The following CDH8 variants were observed in gnomAD, a reference collection of about 807,000 sequenced individuals.
CDH8 encodes the protein cadherin 8, also known as cadherin-8.
Under a neutral mutation model 68.1 loss-of-function variants are expected in CDH8, and 17 were observed. The ratio of observed to expected loss-of-function variants is 0.25; its 90% CI spans 0.17 to 0.37. The LOEUF is 0.37. Ranked by LOEUF, CDH8 falls within the 10% of genes least tolerant of loss-of-function variation. CDH8 has a pLI of 1.00. For missense variants in CDH8, 763 were observed against 999.3 expected, an observed-to-expected ratio of 0.76 and a Z score of 3.19; for synonymous variants, 372 against 365.1, an observed-to-expected ratio of 1.02 and a Z score of -0.21.
chr16:61,742,622 A>G (rs554751190), intron 8 of CDH8, among the ~76,000 whole-genome samples: 1 of 152,238 alleles, frequency 6.6e-6, no homozygotes, highest in South Asian at 2.1e-4. Flanking sequence ...TTCTCTCAAT[A>G]TTTTAATTTG....
intron 8 of CDH8, 50 bp downstream of exon 8, chr16:61,789,295 TA>T: frequency 1.3e-6 from 2 of 1,546,778 alleles, no homozygotes; most frequent in Non-Finnish European, 1.8e-6. Flanking sequence ...TTAATAAGCA[TA>T]AATTGAACTC....
intron 3 of CDH8, among the ~76,000 whole-genome samples, chr16:61,867,043 G>A (rs1008927818): frequency 6.6e-6 from 1 of 152,064 alleles, no homozygotes; most frequent in Admixed American, 6.6e-5. Context: ...CAATGTGAGA[G>A]ACAAAATCCT....
rs1043099134 is a variant in CDH8, at chr16:61,651,407, A to G, written c.*2201T>C. 1.3e-4 allele frequency: 20 copies of G among 152,282 alleles called. No homozygotes were observed. The highest frequency in any genetic ancestry group is 2.8e-4 in the Non-Finnish European group (19 of 68,024). The allele number at this position is 152,282 out of a possible 1,614,324, so 9.4% of individuals were successfully genotyped here. ...TATTCTCAGCAACAGAAACTCAATA[A>G]AAAGTTGATTAAGCCACCGGATAGT... is the stretch of plus-strand genomic sequence containing the variant. On this transcript the variant is annotated 3_prime_UTR_variant, in exon 12 of 12. Transcript: ENST00000577390.
At chr16:61,991,831 C>T (rs1965726480) in intron 2 of CDH8, among the ~76,000 whole-genome samples, 1 of 152,140 alleles carries the variant, frequency 6.6e-6, no homozygotes, top group African/African-American at 2.4e-5. Context: ...TGCCACCACT[C>T]CCCAACCCAC....
At chr16:61,818,743 C>T (rs998356322) in intron 6 of CDH8, among the ~76,000 whole-genome samples, 6 of 152,140 alleles carry the variant, frequency 3.9e-5, no homozygotes, top group Non-Finnish European at 8.8e-5. Flanking sequence ...AGACAGTATA[C>T]ATCTGCATTA....
intron 8 of CDH8, among the ~76,000 whole-genome samples, chr16:61,728,939 A>C (rs142625780): frequency 0.023 from 3,517 of 151,322 alleles, 66 homozygotes; most frequent in Non-Finnish European, 0.035. Flanking sequence ...CATGTGAGAA[A>C]AATTAAAAGT....
At chr16:61,792,073 AAGT>A (rs1372744654) in intron 7 of CDH8, among the ~76,000 whole-genome samples, 1 of 151,990 alleles carries the variant, frequency 6.6e-6, no homozygotes, top group Non-Finnish European at 1.5e-5. Context: ...CCTATTTAGA[AAGT>A]AGTGAAGAAT....
chr16:62,021,085 G>T (rs1358849726), intron 2 of CDH8, 67 bp downstream of exon 2: 3 of 1,344,302 alleles, frequency 2.2e-6, no homozygotes, highest in Admixed American at 1.9e-5. Flanking sequence ...ATTAAAAAGA[G>T]TCTGGTATTA....
intron 2 of CDH8, among the ~76,000 whole-genome samples, chr16:61,938,382 TTAA>T (rs1257851124): frequency 1.3e-5 from 2 of 152,178 alleles, no homozygotes; most frequent in African/African-American, 2.4e-5. Flanking sequence ...CATTTAGATA[TTAA>T]TGAGAAGCCC....
intron 8 of CDH8, among the ~76,000 whole-genome samples, chr16:61,740,154 C>T (rs1438894989): frequency 6.6e-6 from 1 of 151,816 alleles, no homozygotes; most frequent in East Asian, 1.9e-4. Flanking sequence ...GGTCTGCCCG[C>T]CTTGGCCTCC....
At chr16:61,904,054 A>G (rs1159030459) in intron 2 of CDH8, among the ~76,000 whole-genome samples, 3 of 152,150 alleles carry the variant, frequency 2.0e-5, no homozygotes, top group Non-Finnish European at 4.4e-5. Flanking sequence ...TGATAATCTC[A>G]GAACACAATA....
intron 10 of CDH8, among the ~76,000 whole-genome samples, chr16:61,659,925 G>A (rs1046493064): frequency 2.0e-5 from 3 of 152,104 alleles, no homozygotes; most frequent in East Asian, 3.9e-4. Context: ...AGGTTCCAAG[G>A]CAGCCTTACA....
Position 61,650,254 on chromosome 16 carries a change from T to C in CDH8, c.*3354A>G, listed in dbSNP as rs1464194569. 3 of 152,100 alleles carry C rather than the reference T, an allele frequency of 2.0e-5. No individual in the cohort carries two copies. The highest frequency in any genetic ancestry group is 2.9e-5 in the Non-Finnish European group (2 of 68,006). 9.4% of individuals were successfully genotyped at this position (152,100 alleles called of 1,614,324 possible). On this transcript the variant is annotated 3_prime_UTR_variant, in exon 12 of 12. Transcript: ENST00000577390. ...ATATATGGATGTTTAAGAGACACTTTGCTAATATGATTTGATCAAATCATA... is the reference window on the plus strand; with the variant it reads ...ATATATGGATGTTTAAGAGACACTTCGCTAATATGATTTGATCAAATCATA...
At chr16:61,880,534 C>G (rs1963555562) in intron 3 of CDH8, among the ~76,000 whole-genome samples, 2 of 152,116 alleles carry the variant, frequency 1.3e-5, no homozygotes, top group Non-Finnish European at 2.9e-5. Flanking sequence ...GGAGAGTGGA[C>G]AGAGGTCCAA....
intron 7 of CDH8, 28 bp downstream of exon 7, chr16:61,817,451 G>A (rs747114374): frequency 5.6e-6 from 9 of 1,610,620 alleles, no homozygotes; most frequent in Admixed American, 3.3e-5. Flanking sequence ...ATTTGCAGTA[G>A]CCAGTATTCC....
At chr16:61,657,523 T>C (rs1398183258) in intron 10 of CDH8, among the ~76,000 whole-genome samples, 1 of 152,100 alleles carries the variant, frequency 6.6e-6, no homozygotes, top group Non-Finnish European at 1.5e-5. Flanking sequence ...TAATCTTTAT[T>C]GTCATGACCT....
At chr16:61,803,366 C>G (rs1488690653) in intron 7 of CDH8, among the ~76,000 whole-genome samples, 1 of 133,540 alleles carries the variant, frequency 7.5e-6, no homozygotes, top group Non-Finnish European at 1.6e-5. Flanking sequence ...AAAATCATGC[C>G]AAAATGTAAA....
chr16:61,959,469 G>A (rs1339322385), intron 2 of CDH8, among the ~76,000 whole-genome samples: 1 of 150,886 alleles, frequency 6.6e-6, no homozygotes, highest in African/African-American at 2.5e-5. Flanking sequence ...TGGGGTAACA[G>A]ACACCTGTGG....
intron 10 of CDH8, among the ~76,000 whole-genome samples, chr16:61,702,920 A>G (rs1964460690): frequency 6.6e-6 from 1 of 152,198 alleles, no homozygotes; most frequent in African/African-American, 2.4e-5. Flanking sequence ...CTGAATATTT[A>G]TATAGAAAGA....
Sources: gnomAD v4.1 joint callset for allele counts (sites outside exome capture counted in the v4.1 genomes callset) on GRCh38, gnomAD v4.1.1 for gene constraint, MANE v1.5 for transcripts, NCBI Gene and HGNC (gene_info 2026-07-23, HGNC 2026-07-21) for gene names.